Variants in UMPS observed in about 807,000 individuals in gnomAD.
The protein encoded by UMPS is uridine monophosphate synthetase, also known as uridine 5'-monophosphate synthase.
A neutral mutation model predicts 38.9 loss-of-function variants in UMPS; 21 were observed. The observed-to-expected ratio is 0.54, with a 90% confidence interval of 0.38 to 0.78. The LOEUF is 0.78. Among genes scored for constraint, UMPS ranks in the 30% least tolerant of loss-of-function variants. The pLI, the probability that UMPS is intolerant of heterozygous loss-of-function variation, is 0.00. For synonymous variants in UMPS, 208 were observed against 219.3 expected (o/e 0.95, Z 0.45); for missense variants, 533 against 591.6 (o/e 0.90, Z 1.03).
Position 124,745,566 on chromosome 3 carries a change from G to A in UMPS, c.*1482G>A. The A allele has an allele frequency of 4.4e-6, 2 of 454,014 alleles. No homozygotes were observed. The highest frequency in any genetic ancestry group is 1.6e-5 in the South Asian group (1 of 64,474). The allele number at this position is 454,014 out of a possible 1,614,324, so 28.1% of individuals were successfully genotyped here. On this transcript the variant is annotated 3_prime_UTR_variant, in exon 6 of 6. Transcript: ENST00000232607. ...CCCTCCTGAAGTTTTTACTTCAAGA[G>A]CTTCTGCTCTAAAGTCCAATTTGGG...
rs903520594 is a variant in UMPS at position 124,744,300 on chromosome 3, C to T, written c.*216C>T. The T allele has an allele frequency of 6.1e-6, 4 of 650,674 alleles. No homozygotes were observed. Among genetic ancestry groups the T allele is most frequent in the East Asian group, 3.4e-5 (1 of 29,584 alleles). The allele number at this position is 650,674 out of a possible 1,614,324, so 40.3% of individuals were successfully genotyped here. ...TATAATAAGTTCATTCTTAAGCTTGCTTTTTTTGAGACTGGTGTTTGTTAG... is the reference window on the plus strand; with the variant it reads ...TATAATAAGTTCATTCTTAAGCTTGTTTTTTTTGAGACTGGTGTTTGTTAG... On this transcript the variant is annotated 3_prime_UTR_variant, in exon 6 of 6. Coordinates refer to ENST00000232607, the MANE Select transcript of UMPS (RefSeq NM_000373.4).
rs751031505 is a variant in UMPS at position 124,748,255 on chromosome 3, A to G, written c.*4171A>G. On this transcript the variant is annotated 3_prime_UTR_variant, in exon 6 of 6. Transcript: ENST00000232607. ...TGTTGGAGTTCTTTACATTTATTTTATAATCAATGCTGTTTTATTAAATGC... is the reference window on the plus strand; with the variant it reads ...TGTTGGAGTTCTTTACATTTATTTTGTAATCAATGCTGTTTTATTAAATGC... 2.2e-6 allele frequency: 1 copy of G among 453,946 alleles called. No homozygotes were observed. Among genetic ancestry groups the G allele is most frequent in the Non-Finnish European group, 4.4e-6 (1 of 226,760 alleles). The allele number at this position is 453,946 out of a possible 1,614,324, so 28.1% of individuals were successfully genotyped here.
At chr3:124,734,176 TTTTG>T (rs983405800) in intron 1 of UMPS, among the ~76,000 whole-genome samples, 3 of 152,276 alleles carry the variant, frequency 2.0e-5, no homozygotes, top group Middle Eastern at 3.4e-3. Flanking sequence ...CATAGTTTTT[TTTTG>T]TTTGTTTTTT....
rs143276999 is a variant in UMPS, at chr3:124,747,458, C to G, written c.*3374C>G. ...CCAGTTCCGAGCCTGAACCCAAACT[C>G]TCGTGTTTCTGCTCACCCCTCTCTG... On this transcript the variant is annotated 3_prime_UTR_variant, in exon 6 of 6. Coordinates refer to ENST00000232607, the MANE Select transcript of UMPS (RefSeq NM_000373.4). 72 of 454,138 alleles carry G rather than the reference C, an allele frequency of 1.6e-4. 1 individual carries two copies. The East Asian group carries it at 4.8e-3, about 30-fold the overall frequency. The allele number at this position is 454,138 out of a possible 1,614,324, so 28.1% of individuals were successfully genotyped here. A position where few individuals can be genotyped will look rare whatever the true frequency, so the allele number is the denominator to read the frequency against.
rs1389587429 is a variant in UMPS at position 124,747,636 on chromosome 3, T to C, written c.*3552T>C. ...GCCTGGGAGCGTGATAAATGCTTAGTAGTGCATGCCATGGAGTTCCAGGGT... is the reference window on the plus strand; with the variant it reads ...GCCTGGGAGCGTGATAAATGCTTAGCAGTGCATGCCATGGAGTTCCAGGGT... On this transcript the variant is annotated 3_prime_UTR_variant, in exon 6 of 6. Transcript: ENST00000232607. 6.6e-6 allele frequency: 3 copies of C among 452,666 alleles called. No homozygotes were observed. The highest frequency in any genetic ancestry group is 1.6e-5 in the South Asian group (1 of 64,466). The allele number at this position is 452,666 out of a possible 1,614,324, so 28.0% of individuals were successfully genotyped here. A position where few individuals can be genotyped will look rare whatever the true frequency, so the allele number is the denominator to read the frequency against.
Position 124,737,716 on chromosome 3 carries a change from G to A in UMPS, c.459G>A (p.Leu153=). 1 of 1,614,184 alleles carries A rather than the reference G, an allele frequency of 6.2e-7. No homozygotes were observed. Among genetic ancestry groups the A allele is most frequent in the South Asian group, 1.1e-5 (1 of 91,084 alleles). Residue 153 remains leucine (L), a synonymous_variant, in exon 3 of 6, where the codon TTG becomes TTA. Transcript: ENST00000232607. ...GLKVTDAIVL[L]DREQGGKDKL... ...AGGTCACTGATGCCATAGTGCTGTT[G>A]GACAGAGAGCAGGGAGGCAAGGACA...
chr3:124,738,400 C>T (rs952626911), intron 3 of UMPS, 161 bp downstream of exon 3: 10 of 725,896 alleles, frequency 1.4e-5, no homozygotes, highest in Non-Finnish European at 2.1e-5. Context: ...TGCTTTCTCT[C>T]CATCTCTCAG....
Position 124,744,354 on chromosome 3 carries a change from C to A in UMPS, c.*270C>A. 1 of 526,486 alleles carries A rather than the reference C, an allele frequency of 1.9e-6. No individual in the cohort carries two copies. Among genetic ancestry groups the A allele is most frequent in the Non-Finnish European group, 3.6e-6 (1 of 274,608 alleles). 32.6% of individuals were successfully genotyped at this position (526,486 alleles called of 1,614,324 possible). ...GCCACAGTCCTGTCTGGGTTAGGGTCTTCCACATTTGAGGATCCTTCCTAT... is the reference window on the plus strand; with the variant it reads ...GCCACAGTCCTGTCTGGGTTAGGGTATTCCACATTTGAGGATCCTTCCTAT... On this transcript the variant is annotated 3_prime_UTR_variant, in exon 6 of 6. Transcript: ENST00000232607.
rs200421426 is a variant in UMPS at position 124,738,027 on chromosome 3, C to G, written c.770C>G (p.Ser257Cys). 2 of 1,614,218 alleles carry G rather than the reference C, an allele frequency of 1.2e-6. No individual in the cohort carries two copies. The highest frequency in any genetic ancestry group is 4.5e-5 in the East Asian group (2 of 44,894). ...AAGAAGGAGACCAATCTGTGTCTAT[C>G]TGCTGATGTTTCACTGGCCAGAGAG... Reference protein sequence around the residue: ...MQKKETNLCLSADVSLARELL... With the variant: ...MQKKETNLCLCADVSLARELL... Residue 257 changes from serine (S) to cysteine (C), a missense_variant, in exon 3 of 6, where the codon TCT becomes TGT. By Grantham distance (112) the Ser-to-Cys change is moderately radical (BLOSUM62 -1). Transcript: ENST00000232607.
rs756085674 is a variant in UMPS at position 124,749,022 on chromosome 3, T to C, written c.*4938T>C. ...CCCTTGTGCACAGACAGCTCCATAG[T>C]CCTGCCTCCAATGTCCCAACACTGC... On this transcript the variant is annotated 3_prime_UTR_variant, in exon 6 of 6. Transcript: ENST00000232607. 4.2e-5 allele frequency: 19 copies of C among 453,926 alleles called. No homozygotes were observed. The highest frequency in any genetic ancestry group is 2.8e-4 in the South Asian group (18 of 64,476). The allele number at this position is 453,926 out of a possible 1,614,324, so 28.1% of individuals were successfully genotyped here. A position where few individuals can be genotyped will look rare whatever the true frequency, so the allele number is the denominator to read the frequency against.
chr3:124,741,553 A>G (rs2063557063), intron 4 of UMPS, among the ~76,000 whole-genome samples: 1 of 152,192 alleles, frequency 6.6e-6, no homozygotes, highest in East Asian at 1.9e-4. Context: ...TGTTCTTTAC[A>G]TGACAGCTGC....
rs1216029849 is a variant in UMPS, at chr3:124,746,754, ATTGTGTGTGTGTGT to A, written c.*2671_*2684del. ...CATTCTGTAGAACATAAGCCCATAG[ATTGTGTGTGTGTGT>A]GTGTGTGTGTGTGTGTGTGTGTGTG... On this transcript the variant is annotated 3_prime_UTR_variant, in exon 6 of 6. Coordinates refer to ENST00000232607, the MANE Select transcript of UMPS (RefSeq NM_000373.4). 1 of 302,818 alleles carries A rather than the reference ATTGTGTGTGTGTGT, an allele frequency of 3.3e-6. No homozygotes were observed. The highest frequency in any genetic ancestry group is 4.4e-5 in the African/African-American group (1 of 22,862). The allele number at this position is 302,818 out of a possible 1,614,324, so 18.8% of individuals were successfully genotyped here. A position where few individuals can be genotyped will look rare whatever the true frequency, so the allele number is the denominator to read the frequency against.
chr3:124,732,015 G>A (rs1341893089), intron 1 of UMPS, among the ~76,000 whole-genome samples: 5 of 151,110 alleles, frequency 3.3e-5, no homozygotes, highest in African/African-American at 9.7e-5. Flanking sequence ...GCCCAGGCTC[G>A]TCTCAAACTC....
In UMPS at chr3:124,746,157, T is replaced by C. The variant is rs1379777444; in HGVS notation, c.*2073T>C. 1 of 453,918 alleles carries C rather than the reference T, an allele frequency of 2.2e-6. No homozygotes were observed. The highest frequency in any genetic ancestry group is 4.4e-6 in the Non-Finnish European group (1 of 226,718). The allele number at this position is 453,918 out of a possible 1,614,324, so 28.1% of individuals were successfully genotyped here. A position where few individuals can be genotyped will look rare whatever the true frequency, so the allele number is the denominator to read the frequency against. On this transcript the variant is annotated 3_prime_UTR_variant, in exon 6 of 6. Transcript: ENST00000232607. ...TTTAGAAATGTGGGCTCCTGCCATCTCCAGGACGCAGGCACTGTTCCTGTT... is the reference window on the plus strand; with the variant it reads ...TTTAGAAATGTGGGCTCCTGCCATCCCCAGGACGCAGGCACTGTTCCTGTT...
rs1201526932 is a variant in UMPS, at chr3:124,748,304, T to G, written c.*4220T>G. The G allele has an allele frequency of 8.8e-6, 4 of 453,906 alleles. No individual in the cohort carries two copies. Among genetic ancestry groups the G allele is most frequent in the Non-Finnish European group, 1.3e-5 (3 of 226,770 alleles). The allele number at this position is 453,906 out of a possible 1,614,324, so 28.1% of individuals were successfully genotyped here. ...GCGGATTTTATTTTGGATTACAGGA[T>G]GTAGAATGCCATATTTTTCTTAGAT... On this transcript the variant is annotated 3_prime_UTR_variant, in exon 6 of 6. Coordinates refer to ENST00000232607, the MANE Select transcript of UMPS (RefSeq NM_000373.4).
Position 124,748,764 on chromosome 3 carries a change from C to T in UMPS, c.*4680C>T, listed in dbSNP as rs1225711029. 1 of 416,332 alleles carries T rather than the reference C, an allele frequency of 2.4e-6. No homozygotes were observed. The highest frequency in any genetic ancestry group is 1.8e-5 in the South Asian group (1 of 56,338). The allele number at this position is 416,332 out of a possible 1,614,324, so 25.8% of individuals were successfully genotyped here. ...AAGATCCAGAGATCCCTCGCCCCAG[C>T]TCGGCCATGTGTGTCTGGGACAGAG... On this transcript the variant is annotated 3_prime_UTR_variant, in exon 6 of 6. Transcript: ENST00000232607.
Position 124,748,896 on chromosome 3 carries a change from G to A in UMPS, c.*4812G>A. 2.3e-6 allele frequency: 1 copy of A among 442,206 alleles called. No homozygotes were observed. The highest frequency in any genetic ancestry group is 4.6e-6 in the Non-Finnish European group (1 of 219,628). The allele number at this position is 442,206 out of a possible 1,614,324, so 27.4% of individuals were successfully genotyped here. A position where few individuals can be genotyped will look rare whatever the true frequency, so the allele number is the denominator to read the frequency against. On this transcript the variant is annotated 3_prime_UTR_variant, in exon 6 of 6. Transcript: ENST00000232607. ...GGGAGTTAGCTGAGAAGCAGACCTG[G>A]TGGGCCTGAGAGTCTCAATCGTCAG...
At position 124,746,635 on chromosome 3, in the gene UMPS, T is replaced by C. The variant is rs971700305; in HGVS notation, c.*2551T>C. ...TGTAACTCCTGGTCTTAGTGGGGAA[T>C]ATAGGGACCCCATGTCTCCATGGGG... On this transcript the variant is annotated 3_prime_UTR_variant, in exon 6 of 6. Transcript: ENST00000232607. The C allele has an allele frequency of 2.2e-6, 1 of 453,902 alleles. No individual in the cohort carries two copies. The highest frequency in any genetic ancestry group is 2.0e-5 in the African/African-American group (1 of 49,974). 28.1% of individuals were successfully genotyped at this position (453,902 alleles called of 1,614,324 possible). A position where few individuals can be genotyped will look rare whatever the true frequency, so the allele number is the denominator to read the frequency against.
In UMPS at chr3:124,747,704, C is replaced by T. The variant is rs1247693100; in HGVS notation, c.*3620C>T. 1 of 453,774 alleles carries T rather than the reference C, an allele frequency of 2.2e-6. No homozygotes were observed. The highest frequency in any genetic ancestry group is 4.4e-6 in the Non-Finnish European group (1 of 226,478). 28.1% of individuals were successfully genotyped at this position (453,774 alleles called of 1,614,324 possible). On this transcript the variant is annotated 3_prime_UTR_variant, in exon 6 of 6. Transcript: ENST00000232607. ...TATCTAGCTAAATACATTTAACTTG[C>T]TGCAGCTCTCTGGATCCAGCCTGGT...
Sources: gnomAD v4.1 joint callset for allele counts (sites outside exome capture counted in the v4.1 genomes callset) on GRCh38, gnomAD v4.1.1 for gene constraint, MANE v1.5 for transcripts, NCBI Gene and HGNC (gene_info 2026-07-23, HGNC 2026-07-21) for gene names.